The following AFAP1L2 variants were observed in gnomAD, a reference collection of about 807,000 sequenced individuals.
AFAP1L2 encodes the protein actin filament-associated protein 1-like 2.
A neutral mutation model predicts 99.3 loss-of-function variants in AFAP1L2; 46 were observed. That is an observed-to-expected ratio of 0.46 (90% CI 0.37 to 0.59). The LOEUF (loss-of-function observed/expected upper bound fraction) is 0.59. Among genes scored for constraint, AFAP1L2 ranks in the 20% least tolerant of loss-of-function variants. AFAP1L2 has a pLI of 0.00. For synonymous variants in AFAP1L2, 397 were observed against 419.1 expected (o/e 0.95, Z 0.64); for missense variants, 959 against 1,034.9 (o/e 0.93, Z 1.01).
In AFAP1L2 at chr10:114,304,756, C is replaced by T; in HGVS notation, c.1247G>A (p.Arg416His). 1 of 1,611,868 alleles carries T rather than the reference C, an allele frequency of 6.2e-7. No individual in the cohort carries two copies. Among genetic ancestry groups the T allele is most frequent in the Non-Finnish European group, 8.5e-7 (1 of 1,179,846 alleles). ...DPSPDHLYSF[R>H]ILHKGEELAK... ...CAGCTCCTCGCCCTTGTGGAGGATG[C>T]GGAAGGAGTAGAGGTGGTCGGGGCT... The change falls in exon 11 of 19, where the codon CGC becomes CAC. Residue 416 changes from arginine to histidine, a missense_variant. Around this residue, in one of 2 missense-constraint regions of AFAP1L2, gnomAD observed 576 missense variants for 562.1 expected, o/e 1.02. Transcript: ENST00000304129.
chr10:114,382,083 A>G (rs1183185571), intron 1 of AFAP1L2, among the ~76,000 whole-genome samples: 1 of 152,248 alleles, frequency 6.6e-6, no homozygotes, highest in Admixed American at 6.5e-5. Flanking sequence ...AAAGGGACAC[A>G]GCCTCCCCAG....
chr10:114,356,303 C>G (rs1036984637), intron 1 of AFAP1L2, among the ~76,000 whole-genome samples: 1 of 152,178 alleles, frequency 6.6e-6, no homozygotes, highest in Non-Finnish European at 1.5e-5. Flanking sequence ...TGAGTCGCCT[C>G]ACATCATTTC....
At position 114,307,703 on chromosome 10, in the gene AFAP1L2, G is replaced by A. The variant is rs946411106; in HGVS notation, c.1072+102C>T. ...GCTCTCCATTCCTAGAGATGTTTAC[G>A]GAAGACCTAAAACCCCCTGCCTTCG... On this transcript the variant is annotated intron_variant, in intron 10 of 18. Coordinates refer to ENST00000304129, the MANE Select transcript of AFAP1L2 (RefSeq NM_001001936.3). The A allele has an allele frequency of 5.1e-5, 47 of 925,958 alleles. No individual in the cohort carries two copies. The African/African-American group carries it at 5.4e-4, about 11-fold the overall frequency. 57.4% of individuals were successfully genotyped at this position (925,958 alleles called of 1,614,324 possible). A position where few individuals can be genotyped will look rare whatever the true frequency, so the allele number is the denominator to read the frequency against.
At chr10:114,383,750 A>G (rs1239081100) in intron 1 of AFAP1L2, among the ~76,000 whole-genome samples, 1 of 152,226 alleles carries the variant, frequency 6.6e-6, no homozygotes, top group African/African-American at 2.4e-5. Flanking sequence ...CATTGGGTCC[A>G]ACCAACTTGG....
At position 114,313,932 on chromosome 10, in the gene AFAP1L2, A is replaced by G. The variant is rs771347071; in HGVS notation, c.731T>C (p.Met244Thr). The G allele has an allele frequency of 6.1e-5, 98 of 1,613,918 alleles. No homozygotes were observed. Among genetic ancestry groups the G allele is most frequent in the Non-Finnish European group, 8.1e-5 (95 of 1,180,006 alleles). The change falls in exon 7 of 19, where the codon ATG (methionine) becomes ACG (threonine). Residue 244 changes from methionine (M) to threonine (T), a missense_variant. Around this residue, in one of 2 missense-constraint regions of AFAP1L2, gnomAD observed 383 missense variants for 472.8 expected, o/e 0.81. Transcript: ENST00000304129. ...GCCCAGCACAATCACATCGGCATTC[A>G]TCGGCGTGATCTTCAGCTTGTGCTC... ...KKEHKLKITP[M>T]NADVIVLGLQ... is the part of the protein sequence containing the mutation.
At chr10:114,320,017 A>G (rs959497231) in intron 5 of AFAP1L2, among the ~76,000 whole-genome samples, 21 of 152,146 alleles carry the variant, frequency 1.4e-4, no homozygotes, top group African/African-American at 4.3e-4. Context: ...CGAGACAAAC[A>G]TGGAAGGAGC....
intron 12 of AFAP1L2, chr10:114,302,137 G>A (rs978700109): frequency 5.4e-6 from 4 of 739,708 alleles, no homozygotes; most frequent in Non-Finnish European, 8.7e-6. Flanking sequence ...CCGAAGCCTG[G>A]CTCGGCTCCT....
At chr10:114,346,689 A>G (rs554966084) in intron 1 of AFAP1L2, among the ~76,000 whole-genome samples, 1 of 152,348 alleles carries the variant, frequency 6.6e-6, no homozygotes, top group African/African-American at 2.4e-5. Flanking sequence ...GCGAGGGAGA[A>G]ATAAATGTGT....
intron 1 of AFAP1L2, among the ~76,000 whole-genome samples, chr10:114,391,694 G>A (rs1254081268): frequency 6.6e-6 from 1 of 152,184 alleles, no homozygotes; most frequent in Non-Finnish European, 1.5e-5. Flanking sequence ...GAGGGTTAAG[G>A]GATCCAGTGG....
intron 2 of AFAP1L2, among the ~76,000 whole-genome samples, chr10:114,338,074 T>A (rs969573851): frequency 6.6e-6 from 1 of 152,188 alleles, no homozygotes; most frequent in Non-Finnish European, 1.5e-5. Context: ...CTAAGGCAGA[T>A]GATTCCTCCA....
chr10:114,308,603 C>A, intron 8 of AFAP1L2, 86 bp from the exon 9 acceptor site: 2 of 1,242,980 alleles, frequency 1.6e-6, no homozygotes, highest in South Asian at 2.6e-5. Context: ...TAATAGATGG[C>A]TCTTGGTTGT....
chr10:114,302,648 C>T (rs2041416283), intron 11 of AFAP1L2, among the ~76,000 whole-genome samples, 164 bp from the exon 12 acceptor site: 1 of 152,150 alleles, frequency 6.6e-6, no homozygotes, highest in Non-Finnish European at 1.5e-5. Flanking sequence ...TATCCCACCC[C>T]CCAGTGGCCC....
intron 13 of AFAP1L2, 54 bp downstream of exon 13, chr10:114,301,300 T>C: frequency 1.4e-6 from 2 of 1,428,512 alleles, no homozygotes; most frequent in Non-Finnish European, 2.0e-6. Flanking sequence ...GGTGTTGAGG[T>C]TGGTAGGAGG....
At position 114,301,336 on chromosome 10, in the gene AFAP1L2, G is replaced by A. The variant is rs1241250025; in HGVS notation, c.1542+18C>T. 4 of 1,598,754 alleles carry A rather than the reference G, an allele frequency of 2.5e-6. No homozygotes were observed. The highest frequency in any genetic ancestry group is 1.3e-5 in the African/African-American group (1 of 74,666). ...AGGGCCTGGAGAGGCCCAGGCCACT[G>A]CCTGGCCGGGTCCTTACCGCAGCTG... On this transcript the variant is annotated intron_variant, in intron 13 of 18. Coordinates refer to ENST00000304129, the MANE Select transcript of AFAP1L2 (RefSeq NM_001001936.3).
chr10:114,289,277 T>C, the AFAP1L2 span: 3 of 1,614,108 alleles, frequency 1.9e-6, no homozygotes, highest in Non-Finnish European at 2.5e-6. Context: ...AAAGCTGTGG[T>C]GGTGCTCACA....
chr10:114,390,196 C>G (rs184233752), intron 1 of AFAP1L2, among the ~76,000 whole-genome samples: 7 of 152,340 alleles, frequency 4.6e-5, no homozygotes, highest in Non-Finnish European at 8.8e-5. Flanking sequence ...AAAGATTCAT[C>G]TATGCCATTG....
At chr10:114,310,526 G>C (rs2043067285) in intron 7 of AFAP1L2, 83 bp from the exon 8 acceptor site, 1 of 1,248,576 alleles carries the variant, frequency 8.0e-7, no homozygotes, top group South Asian at 1.4e-5. Context: ...GGCCCCTGCA[G>C]GTCAGGGGAG....
At chr10:114,384,372 G>A (rs1463639415) in intron 1 of AFAP1L2, among the ~76,000 whole-genome samples, 3 of 151,284 alleles carry the variant, frequency 2.0e-5, no homozygotes, top group South Asian at 2.1e-4. Context: ...AGCGTCTGCT[G>A]CAGGCTCTCT....
intron 4 of AFAP1L2, 27 bp downstream of exon 4, chr10:114,331,776 A>T (rs375145031): frequency 7.5e-7 from 1 of 1,328,322 alleles, no homozygotes; most frequent in Non-Finnish European, 9.7e-7. Flanking sequence ...ACGTCAGGGA[A>T]ATCAGGGGTC....
Sources: allele counts gnomAD v4.1 joint callset (sites outside exome capture counted in the v4.1 genomes callset), GRCh38; gene constraint gnomAD v4.1.1; regional missense constraint gnomAD v4.1.1; transcripts MANE v1.5; gene names NCBI Gene and HGNC (gene_info 2026-07-23, HGNC 2026-07-21).